PCLO: variants seen among roughly 807,000 people sequenced by gnomAD.
The protein encoded by PCLO is protein piccolo.
A neutral mutation model predicts 427.5 loss-of-function variants in PCLO; 82 were observed. The ratio of observed to expected loss-of-function variants is 0.19; its 90% CI spans 0.16 to 0.23. PCLO has a LOEUF of 0.23. Ranked by LOEUF, PCLO falls within the 10% of genes least tolerant of loss-of-function variation. The probability of loss-of-function intolerance (pLI) is 1.00; values close to 1 mark genes in which losing one functional copy is unlikely to be tolerated. For synonymous variants in PCLO, 2,357 were observed against 2,155.4 expected (o/e 1.09, Z -2.59); for missense variants, 6,239 against 6,115.9 (o/e 1.02, Z -0.67).
At chr7:83,154,698 AGAG>A (rs1398130099) in intron 2 of PCLO, 47 bp downstream of exon 2, 1 of 1,306,792 alleles carries the variant, frequency 7.7e-7, no homozygotes, top group East Asian at 2.3e-5. Context: ...CATTTGTATA[AGAG>A]GATGATATGG....
intron 6 of PCLO, among the ~76,000 whole-genome samples, chr7:82,948,550 TC>T (rs1795256690): frequency 6.6e-6 from 1 of 152,102 alleles, no homozygotes; most frequent in Non-Finnish European, 1.5e-5. Flanking sequence ...TAGGGGAACT[TC>T]TAATTTGAAC....
At chr7:82,788,221 T>G (rs1375664588) in intron 22 of PCLO, among the ~76,000 whole-genome samples, 2 of 147,530 alleles carry the variant, frequency 1.4e-5, no homozygotes, top group Non-Finnish European at 3.0e-5. Flanking sequence ...TAATTAATAA[T>G]TATATATAAT....
intron 21 of PCLO, among the ~76,000 whole-genome samples, chr7:82,803,513 C>T (rs1472361750): frequency 2.0e-5 from 3 of 151,920 alleles, no homozygotes; most frequent in African/African-American, 7.3e-5. Flanking sequence ...AGGTACTTAG[C>T]CAATATGTGT....
At chr7:83,017,215 T>G (rs1788230738) in intron 3 of PCLO, among the ~76,000 whole-genome samples, 1 of 152,110 alleles carries the variant, frequency 6.6e-6, no homozygotes, top group South Asian at 2.1e-4. Context: ...AAAATATATC[T>G]TCTGTGAGGT....
chr7:83,135,359 T>C lies in PCLO; in HGVS notation c.2191A>G (p.Lys731Glu), dbSNP rs1448767949. ...GAAGGTTCTTTGGGAGGGGCTGGCT[T>C]GGACAAAGAATCTGCCTCAGGGGGC... ...KQPPEADSLS[K>E]PAPPKEPSVP... Residue 731 changes from lysine (K) to glutamate (E), a missense_variant, in exon 3 of 25, where the codon AAG becomes GAG. Coordinates refer to ENST00000333891, the MANE Select transcript of PCLO (RefSeq NM_033026.6). The C allele has an allele frequency of 1.4e-5, 23 of 1,613,862 alleles. No individual in the cohort carries two copies. In the Admixed American group the frequency reaches 3.7e-4, roughly 26 times the overall value.
At chr7:82,841,896 GA>G (rs1029667498) in intron 13 of PCLO, among the ~76,000 whole-genome samples, 5 of 151,974 alleles carry the variant, frequency 3.3e-5, no homozygotes, top group African/African-American at 4.8e-5. Flanking sequence ...AAGAACTGCC[GA>G]GGAGCACAGA....
chr7:83,126,866 G>A (rs1791450764), intron 3 of PCLO, among the ~76,000 whole-genome samples: 1 of 151,878 alleles, frequency 6.6e-6, no homozygotes, highest in African/African-American at 2.4e-5. Context: ...TATAATTTCT[G>A]GCTCATGAAA....
chr7:82,791,621 G>A (rs1324324745), intron 22 of PCLO, among the ~76,000 whole-genome samples: 1 of 152,154 alleles, frequency 6.6e-6, no homozygotes, highest in Non-Finnish European at 1.5e-5. Context: ...TAAACAAGCT[G>A]TGTTGTGCTT....
chr7:83,012,687 A>T (rs1788113251), intron 3 of PCLO, among the ~76,000 whole-genome samples: 1 of 151,702 alleles, frequency 6.6e-6, no homozygotes, highest in African/African-American at 2.4e-5. Flanking sequence ...TTGGGGTTCA[A>T]ATATTCATAA....
rs1795438943 is a variant in PCLO, at chr7:82,954,005, A to ATG, written c.6947_6948insCA (p.Leu2317IlefsTer32). Reference sequence around the variant, plus strand: ...CCTTTTTATCTCTGTAAGCTTCCAAAACTTCCAGAATGATTCCATTCCCAG... The same window carrying ATG: ...CCTTTTTATCTCTGTAAGCTTCCAAATGACTTCCAGAATGATTCCATTCCCAG... On this transcript the variant is annotated frameshift_variant, in exon 5 of 25. Coordinates refer to ENST00000333891, the MANE Select transcript of PCLO (RefSeq NM_033026.6). LOFTEE classifies it high-confidence loss of function. The ATG allele has an allele frequency of 6.2e-7, 1 of 1,613,818 alleles. No homozygotes were observed. The highest frequency in any genetic ancestry group is 1.3e-5 in the African/African-American group (1 of 74,904).
chr7:82,915,485 A>G lies in PCLO; in HGVS notation c.12501T>C (p.Ser4167=). 1 of 1,613,638 alleles carries G rather than the reference A, an allele frequency of 6.2e-7. No individual in the cohort carries two copies. Among genetic ancestry groups the G allele is most frequent in the Non-Finnish European group, 8.5e-7 (1 of 1,179,644 alleles). Residue 4167 remains serine, a synonymous_variant, in exon 7 of 25, where the codon AGT becomes AGC. Transcript: ENST00000333891. ...CTGCTTGTTTTTCAAGTGTGAGTCT[A>G]CTGATGCTATACTTCTCAGATTTTG... ...HFPKSEKYSI[S]RLTLEKQAAK...
At chr7:83,110,305 C>A (rs1025879656) in intron 3 of PCLO, among the ~76,000 whole-genome samples, 1 of 151,762 alleles carries the variant, frequency 6.6e-6, no homozygotes, top group Non-Finnish European at 1.5e-5. Flanking sequence ...TCTTTACATG[C>A]CTTTTTTTAA....
intron 3 of PCLO, among the ~76,000 whole-genome samples, chr7:83,085,075 G>A (rs1426744763): frequency 6.6e-6 from 1 of 152,080 alleles, no homozygotes; most frequent in African/African-American, 2.4e-5. Flanking sequence ...GCTTATCGTG[G>A]TTGGCTCAAA....
rs1214833775 is a variant in PCLO at position 82,821,679 on chromosome 7, T to C, written c.14791+816A>G. ...CAATTGTTATACTTTGATTGACTTA[T>C]AGCTACCAGACATAGTATATCTTGA... is the stretch of plus-strand genomic sequence containing the variant. On this transcript the variant is annotated intron_variant, in intron 20 of 24. Transcript: ENST00000333891. The C allele has an allele frequency of 6.1e-6, 6 of 977,938 alleles. No homozygotes were observed. The African/African-American group carries it at 7.0e-5, about 11-fold the overall frequency. 60.6% of individuals were successfully genotyped at this position (977,938 alleles called of 1,614,324 possible).
At chr7:83,139,546 C>T (rs1791813344) in intron 2 of PCLO, among the ~76,000 whole-genome samples, 1 of 152,112 alleles carries the variant, frequency 6.6e-6, no homozygotes, top group Non-Finnish European at 1.5e-5. Context: ...TATAAATGTA[C>T]ATGGATATAT....
chr7:83,147,056 A>AT (rs1792012901), intron 2 of PCLO, among the ~76,000 whole-genome samples: 1 of 149,362 alleles, frequency 6.7e-6, no homozygotes, highest in Admixed American at 6.8e-5. Flanking sequence ...AGCTGAAGGT[A>AT]TAAAAAAAAA....
chr7:83,069,778 T>TCCCCCCCC (rs1477263357), intron 3 of PCLO, among the ~76,000 whole-genome samples: 1 of 39,946 alleles, frequency 2.5e-5, no homozygotes, highest in African/African-American at 1.3e-4. Flanking sequence ...ATTCTCCACC[T>TCCCCCCCC]CCCCCACCCC....
intron 22 of PCLO, among the ~76,000 whole-genome samples, chr7:82,799,865 C>G (rs185295860): frequency 1.3e-5 from 2 of 152,226 alleles, no homozygotes; most frequent in Admixed American, 1.3e-4. Context: ...GCTTCACTAT[C>G]CCCCACTTAG....
intron 6 of PCLO, among the ~76,000 whole-genome samples, chr7:82,923,052 C>T (rs1794634661): frequency 6.6e-6 from 1 of 151,804 alleles, no homozygotes; most frequent in South Asian, 2.1e-4. Flanking sequence ...TATCTGTAAA[C>T]AAGATATTTT....
Sources: gnomAD v4.1 joint callset for allele counts (sites outside exome capture counted in the v4.1 genomes callset) on GRCh38, gnomAD v4.1.1 for gene constraint, MANE v1.5 for transcripts, NCBI Gene and HGNC (gene_info 2026-07-23, HGNC 2026-07-21) for gene names.